Variants in DIAPH2 observed in about 807,000 individuals in gnomAD.
The protein encoded by DIAPH2 is diaphanous related formin 2.
A neutral mutation model predicts 92.7 loss-of-function variants in DIAPH2; 35 were observed. The observed-to-expected ratio is 0.38, with a 90% CI of 0.29 to 0.50. The LOEUF is 0.50. Ranked by LOEUF, DIAPH2 falls within the 20% of genes least tolerant of loss-of-function variation. DIAPH2 has a pLI of 0.94. For synonymous variants in DIAPH2, 301 were observed against 280.4 expected (o/e 1.07, Z -0.73); for missense variants, 701 against 819.5 (o/e 0.86, Z 1.77).
At chrX:97,416,425 A>G (rs2069947479) in intron 25 of DIAPH2, among the ~76,000 whole-genome samples, 1 of 112,385 alleles carries the variant, frequency 8.9e-6, no homozygotes. Flanking sequence ...AGCCTGTAAT[A>G]TACACCTCTT....
rs749414560 is a variant in DIAPH2, at chrX:97,054,686, G to A, written c.2051-18255G>A. On this transcript the variant is annotated intron_variant, in intron 17 of 26. Coordinates refer to ENST00000324765, the MANE Select transcript of DIAPH2 (RefSeq NM_006729.5). ...TAATCTGGTTTGGGTAGAGCATTGG[G>A]ACACCAGGGTGCTATTAAGTTAATT... Among the ~76,000 whole-genome samples the A allele has an allele frequency of 8.9e-5, 10 of 111,736 alleles. No homozygotes were observed. The South Asian group carries it at 3.7e-3, about 42-fold the overall frequency.
At chrX:97,412,710 G>A (rs887138117) in intron 25 of DIAPH2, among the ~76,000 whole-genome samples, 6 of 111,713 alleles carry the variant, frequency 5.4e-5, no homozygotes, top group African/African-American at 2.0e-4. Context: ...AATAAAAAAT[G>A]ATAAAGGGGG....
At chrX:97,232,804 C>G (rs972459139) in intron 22 of DIAPH2, among the ~76,000 whole-genome samples, 1 of 111,903 alleles carries the variant, frequency 8.9e-6, no homozygotes, top group Non-Finnish European at 1.9e-5. Flanking sequence ...AACTCTAATT[C>G]TGTCTTTTTC....
intron 26 of DIAPH2, among the ~76,000 whole-genome samples, chrX:97,585,934 CGTGTA>C (rs2147883114): frequency 8.9e-6 from 1 of 112,104 alleles, no homozygotes; most frequent in East Asian, 2.8e-4. Context: ...AATTCCATAA[CGTGTA>C]CTGTAATGGT....
chrX:97,119,538 G>A (rs914865052), intron 21 of DIAPH2, among the ~76,000 whole-genome samples: 4 of 112,189 alleles, frequency 3.6e-5, no homozygotes, highest in Non-Finnish European at 7.5e-5. Context: ...GCCTCCTGCC[G>A]GGAGGTGGTG....
chrX:96,702,983 G>T (rs1171834802), intron 1 of DIAPH2, among the ~76,000 whole-genome samples: 3 of 111,513 alleles, frequency 2.7e-5, no homozygotes, highest in African/African-American at 9.8e-5. Context: ...TGGGGTGGGG[G>T]TTCAGTTTCA....
chrX:97,033,710 A>C (rs1026705324), intron 17 of DIAPH2, among the ~76,000 whole-genome samples: 11 of 112,140 alleles, frequency 9.8e-5, no homozygotes, highest in Non-Finnish European at 1.7e-4. Flanking sequence ...GGTACATATC[A>C]GTAATTTCTT....
chrX:97,545,541 T>A lies in DIAPH2; in HGVS notation c.3242-53712T>A, dbSNP rs868767814. 5.3e-3 allele frequency among the ~76,000 whole-genome samples: 510 copies of A among 95,779 alleles called. 1 individual carries two copies. Among genetic ancestry groups the A allele is most frequent in the Middle Eastern group, 0.022 (4 of 180 alleles). The allele number at this position is 95,779 out of a possible 115,157, so 83.2% of individuals were successfully genotyped here. On this transcript the variant is annotated intron_variant, in intron 26 of 26. Transcript: ENST00000324765. ...TTTGATGAAAAAAAAAAAATATATA[T>A]ATATATATATATATATATATTCTTA...
intron 24 of DIAPH2, among the ~76,000 whole-genome samples, chrX:97,359,647 G>A (rs1432174431): frequency 9.9e-6 from 1 of 100,673 alleles, no homozygotes. Context: ...GGCAGGTCTC[G>A]GCTCACTGCA....
chrX:97,290,974 C>A (rs1202997675), intron 23 of DIAPH2, among the ~76,000 whole-genome samples: 3 of 109,655 alleles, frequency 2.7e-5, no homozygotes, highest in Non-Finnish European at 5.7e-5. Flanking sequence ...ATCCCAGCTA[C>A]TGTAGAGGCT....
At chrX:97,046,108 C>T (rs1326065108) in intron 17 of DIAPH2, among the ~76,000 whole-genome samples, 2 of 107,502 alleles carry the variant, frequency 1.9e-5, no homozygotes, top group African/African-American at 6.8e-5. Context: ...CTGCCTGCCT[C>T]GGCCTCCCAA....
At chrX:97,174,927 G>A (rs768832544) in intron 22 of DIAPH2, among the ~76,000 whole-genome samples, 3 of 111,539 alleles carry the variant, frequency 2.7e-5, no homozygotes, top group Admixed American at 1.9e-4. Context: ...TATCAGTTAC[G>A]TCTGGTAACG....
chrX:97,584,034 G>A (rs748613315), intron 26 of DIAPH2, among the ~76,000 whole-genome samples: 4 of 111,452 alleles, frequency 3.6e-5, no homozygotes, highest in South Asian at 3.7e-4. Context: ...GCTTTGGCTC[G>A]CGCACGGTGC....
chrX:96,864,170 T>C (rs1193362945), intron 4 of DIAPH2, among the ~76,000 whole-genome samples: 1 of 111,840 alleles, frequency 8.9e-6, no homozygotes, highest in African/African-American at 3.2e-5. Flanking sequence ...TTCTCTGATA[T>C]AAAAATGATG....
At chrX:97,449,880 T>G (rs1228836816) in intron 26 of DIAPH2, among the ~76,000 whole-genome samples, 1 of 111,621 alleles carries the variant, frequency 9.0e-6, no homozygotes, top group African/African-American at 3.3e-5. Context: ...TCACTAAAAT[T>G]GCTTATGCAA....
rs747352731 is a variant in DIAPH2 at position 97,291,784 on chromosome X, C to G, written c.2844+43945C>G. Among the ~76,000 whole-genome samples the G allele has an allele frequency of 1.3e-4, 14 of 111,173 alleles. No homozygotes were observed. In the East Asian group the frequency reaches 3.7e-3, roughly 30 times the overall value. On this transcript the variant is annotated intron_variant, in intron 23 of 26. Coordinates refer to ENST00000324765, the MANE Select transcript of DIAPH2 (RefSeq NM_006729.5). ...AACGCATGACCTCAGGTGATTCCCC[C>G]ACCTCAGCCTCCCAAAGTGCTGGAA...
intron 1 of DIAPH2, among the ~76,000 whole-genome samples, chrX:96,708,176 A>G (rs777063878): frequency 4.6e-5 from 5 of 108,211 alleles, no homozygotes; most frequent in Non-Finnish European, 9.6e-5. Context: ...CCTCTTTTCC[A>G]TATAATTGTA....
intron 1 of DIAPH2, among the ~76,000 whole-genome samples, chrX:96,729,822 CTG>C (rs2064043794): frequency 8.9e-6 from 1 of 112,194 alleles, no homozygotes; most frequent in African/African-American, 3.2e-5. Flanking sequence ...TTTGAATTGA[CTG>C]TACTTCTGAG....
intron 1 of DIAPH2, among the ~76,000 whole-genome samples, chrX:96,729,504 C>A (rs1302524452): frequency 9.0e-6 from 1 of 111,609 alleles, no homozygotes; most frequent in Non-Finnish European, 1.9e-5. Flanking sequence ...GCTATAGTCA[C>A]CCCTCCTGGC....
Sources: allele counts gnomAD v4.1 joint callset (sites outside exome capture counted in the v4.1 genomes callset), GRCh38; gene constraint gnomAD v4.1.1; transcripts MANE v1.5; gene names NCBI Gene and HGNC (gene_info 2026-07-23, HGNC 2026-07-21).